Variants in CA8 observed in about 807,000 individuals in gnomAD.
CA8 encodes carbonic anhydrase-related protein.
CA8 carries 22 observed loss-of-function variants against 41.4 expected under a neutral mutation model. The ratio of observed to expected loss-of-function variants is 0.53; its 90% CI spans 0.38 to 0.76. The LOEUF is 0.76. Among genes scored for constraint, CA8 ranks in the 30% least tolerant of loss-of-function variants. The pLI is 0.00. For missense variants in CA8, 270 were observed against 352.8 expected, an observed-to-expected ratio of 0.77 and a Z score of 1.88; for synonymous variants, 121 against 130.6, an observed-to-expected ratio of 0.93 and a Z score of 0.50.
At chr8:60,253,869 CTCTGA>C in intron 3 of CA8, among the ~76,000 whole-genome samples, 1 of 152,206 alleles carries the variant, frequency 6.6e-6, no homozygotes. Flanking sequence ...ATCAGTTACT[CTCTGA>C]TCTGTGTTCT....
intron 8 of CA8, among the ~76,000 whole-genome samples, chr8:60,201,586 A>T (rs1189868942): frequency 1.3e-5 from 2 of 152,186 alleles, no homozygotes; most frequent in Non-Finnish European, 2.9e-5. Flanking sequence ...TAAAAAATGT[A>T]TCATTTTTTG....
chr8:60,194,110 CCT>C lies in CA8; in HGVS notation c.*36-4127_*36-4126del, dbSNP rs201875707. ...CTAAATATTCCTTTCTTAATAGCACCCTGTTTTTTTTGTGAATGCAATTTCTT... is the reference window on the plus strand; with the variant it reads ...CTAAATATTCCTTTCTTAATAGCACCGTTTTTTTTGTGAATGCAATTTCTT... On this transcript the variant is annotated intron_variant, in intron 8 of 8. Transcript: ENST00000317995. 9.5e-3 allele frequency among the ~76,000 whole-genome samples: 1,450 copies of C among 152,132 alleles called. 29 individuals carry two copies. Among genetic ancestry groups the C allele is most frequent in the African/African-American group, 0.034 (1,393 of 41,514 alleles).
At chr8:60,201,615 A>G (rs1039470671) in intron 8 of CA8, among the ~76,000 whole-genome samples, 1 of 152,218 alleles carries the variant, frequency 6.6e-6, no homozygotes, top group Non-Finnish European at 1.5e-5. Flanking sequence ...AAAAATGAAC[A>G]TTCCTTTTGT....
intron 3 of CA8, among the ~76,000 whole-genome samples, chr8:60,234,160 G>A (rs756744587): frequency 2.0e-5 from 3 of 152,026 alleles, no homozygotes; most frequent in Non-Finnish European, 2.9e-5. Flanking sequence ...ACCCAATCTA[G>A]CCACAAGAAA....
At chr8:60,243,284 C>G (rs1285211704) in intron 3 of CA8, among the ~76,000 whole-genome samples, 1 of 152,102 alleles carries the variant, frequency 6.6e-6, no homozygotes, top group Non-Finnish European at 1.5e-5. Context: ...TTCCTCCCTC[C>G]TCCTCTTTTC....
intron 7 of CA8, 117 bp downstream of exon 7, chr8:60,222,532 T>C: frequency 1.4e-6 from 1 of 723,728 alleles, no homozygotes; most frequent in Non-Finnish European, 2.5e-6. Flanking sequence ...TTAACTTTCA[T>C]CTGGAAAGGT....
chr8:60,249,519 T>A (rs1345801689), intron 3 of CA8, among the ~76,000 whole-genome samples: 1 of 152,252 alleles, frequency 6.6e-6, no homozygotes, highest in East Asian at 1.9e-4. Context: ...AAATTTTCAT[T>A]GTGTATTTTC....
intron 3 of CA8, among the ~76,000 whole-genome samples, chr8:60,249,548 G>A (rs1019050007): frequency 6.6e-6 from 1 of 152,098 alleles, no homozygotes; most frequent in South Asian, 2.1e-4. Flanking sequence ...CCAAATGTTG[G>A]CTTCTGACAG....
At chr8:60,203,734 TG>T (rs1438931062) in intron 8 of CA8, among the ~76,000 whole-genome samples, 3 of 152,190 alleles carry the variant, frequency 2.0e-5, no homozygotes, top group African/African-American at 7.2e-5. Flanking sequence ...TTTCTGCACT[TG>T]TTTTTTTAGC....
In CA8 at chr8:60,188,437, A is replaced by G. The variant is rs914767092; in HGVS notation, c.*1584T>C. 9 of 152,328 alleles carry G rather than the reference A, an allele frequency of 5.9e-5. No homozygotes were observed. Among genetic ancestry groups the G allele is most frequent in the African/African-American group, 2.2e-4 (9 of 41,570 alleles). 9.4% of individuals were successfully genotyped at this position (152,328 alleles called of 1,614,324 possible). ...ATATGAATGGCCTCTCATTTATGGA[A>G]GGCTTCAGATCTAGTCTTTTGATGT... On this transcript the variant is annotated 3_prime_UTR_variant, in exon 9 of 9. Transcript: ENST00000317995.
chr8:60,240,318 G>A (rs1458131479), intron 3 of CA8, among the ~76,000 whole-genome samples: 1 of 152,214 alleles, frequency 6.6e-6, no homozygotes, highest in African/African-American at 2.4e-5. Flanking sequence ...AAGGCACACA[G>A]GGAGAACACA....
intron 3 of CA8, among the ~76,000 whole-genome samples, chr8:60,250,589 A>G (rs138756754): frequency 3.1e-4 from 47 of 152,312 alleles, no homozygotes; most frequent in Non-Finnish European, 1.0e-4. Flanking sequence ...TCTGATTTTT[A>G]GCCATGATTT....
chr8:60,210,911 A>G (rs1324806778), intron 7 of CA8, among the ~76,000 whole-genome samples: 1 of 152,210 alleles, frequency 6.6e-6, no homozygotes, highest in Non-Finnish European at 1.5e-5. Flanking sequence ...ACGAAGCTGC[A>G]TGAGAATCCC....
At chr8:60,192,042 G>GA (rs1411370861) in intron 8 of CA8, among the ~76,000 whole-genome samples, 3 of 152,026 alleles carry the variant, frequency 2.0e-5, no homozygotes, top group African/African-American at 2.4e-5. Context: ...CTCACATGGG[G>GA]AAACTCAATA....
At chr8:60,279,224 G>T (rs547705273) in intron 2 of CA8, among the ~76,000 whole-genome samples, 2 of 152,232 alleles carry the variant, frequency 1.3e-5, no homozygotes, top group East Asian at 3.9e-4. Flanking sequence ...AATTATTTTT[G>T]GCAAACTAAT....
intron 8 of CA8, among the ~76,000 whole-genome samples, chr8:60,198,818 G>C (rs139703853): frequency 1.3e-5 from 2 of 152,028 alleles, no homozygotes; most frequent in Non-Finnish European, 2.9e-5. Flanking sequence ...TTCAGGTACA[G>C]GAATGTTCCA....
chr8:60,225,370 T>C (rs538046961), intron 5 of CA8, among the ~76,000 whole-genome samples: 2 of 152,178 alleles, frequency 1.3e-5, no homozygotes, highest in Non-Finnish European at 2.9e-5. Context: ...TGGGACTATT[T>C]CAAACATTAA....
chr8:60,233,961 G>A (rs1008511830), intron 3 of CA8, among the ~76,000 whole-genome samples: 4 of 152,176 alleles, frequency 2.6e-5, no homozygotes, highest in African/African-American at 9.7e-5. Flanking sequence ...TGTGCACTGT[G>A]GGTGGTGACT....
chr8:60,215,020 G>A (rs765659423), intron 7 of CA8, among the ~76,000 whole-genome samples: 1 of 152,122 alleles, frequency 6.6e-6, no homozygotes, highest in Non-Finnish European at 1.5e-5. Context: ...GGCAGGAAAA[G>A]GACAGCAAAA....
Sources: gnomAD v4.1 joint callset for allele counts (sites outside exome capture counted in the v4.1 genomes callset) on GRCh38, gnomAD v4.1.1 for gene constraint, MANE v1.5 for transcripts, NCBI Gene and HGNC (gene_info 2026-07-23, HGNC 2026-07-21) for gene names.